Variants in YTHDC1 observed in about 807,000 individuals in gnomAD.
YTHDC1 encodes the protein YTH N6-methyladenosine RNA binding protein C1.
YTHDC1 carries 12 observed loss-of-function variants against 107.0 expected under a neutral mutation model. That is an observed-to-expected ratio of 0.11 (90% CI 0.07 to 0.18). The LOEUF (loss-of-function observed/expected upper bound fraction) is 0.18. Among genes scored for constraint, YTHDC1 ranks in the 10% least tolerant of loss-of-function variants. The pLI, the probability that YTHDC1 is intolerant of heterozygous loss-of-function variation, is 1.00. For missense variants in YTHDC1, 635 were observed against 898.8 expected, an observed-to-expected ratio of 0.71 and a Z score of 3.75; for synonymous variants, 280 against 289.5, an observed-to-expected ratio of 0.97 and a Z score of 0.33.
chr4:68,332,867 A>G lies in YTHDC1; in HGVS notation c.974-20T>C. 6.2e-7 allele frequency: 1 copy of G among 1,607,850 alleles called. No individual in the cohort carries two copies. The highest frequency in any genetic ancestry group is 8.5e-7 in the Non-Finnish European group (1 of 1,175,426). ...CTGAACCTGTATTTAGCCAAAGTAC[A>G]TTTGTTCAGATTGAGCTTTAATAGA... On this transcript the variant is annotated intron_variant, in intron 5 of 16. Transcript: ENST00000344157.
intron 1 of YTHDC1, among the ~76,000 whole-genome samples, chr4:68,340,129 C>G (rs1724651607): frequency 6.6e-6 from 1 of 152,054 alleles, no homozygotes; most frequent in Admixed American, 6.6e-5. Flanking sequence ...ACAGAAAGGT[C>G]TATTAATTAA....
chr4:68,347,322 TTCC>T (rs1277124633), intron 1 of YTHDC1, among the ~76,000 whole-genome samples: 1 of 152,196 alleles, frequency 6.6e-6, no homozygotes, highest in Non-Finnish European at 1.5e-5. Context: ...AGATGCATAT[TTCC>T]TCCTTATATA....
intron 1 of YTHDC1, among the ~76,000 whole-genome samples, chr4:68,347,669 TA>T (rs1399063369): frequency 2.6e-5 from 4 of 152,208 alleles, no homozygotes; most frequent in African/African-American, 9.6e-5. Context: ...AGAAAGAACT[TA>T]ACGTTTGTGA....
rs1048237772 is a variant in YTHDC1, at chr4:68,332,193, T to C, written c.1032A>G (p.Gln344=). Residue 344 remains glutamine, a synonymous_variant, in exon 7 of 17, where the codon CAA becomes CAG. Transcript: ENST00000344157. ...SSSVRAVRKD[Q]TSKLKYVLQD... is the part of the protein sequence containing the mutation. ...GAAGCACATATTTGAGTTTACTGGT[T>C]TGATCTGAAAAAAAAAGAAACCCAA... The C allele has an allele frequency of 2.5e-6, 4 of 1,596,398 alleles. No homozygotes were observed. In the Admixed American group the frequency reaches 5.3e-5, roughly 21 times the overall value.
Position 68,317,614 on chromosome 4 carries a change from A to G in YTHDC1, c.1824+905T>C, listed in dbSNP as rs1191978589. ...TTCTTAAAGGAAATAATTAAAAAGC[A>G]GGAATAATCAGGGTTTAATTAATCT... On this transcript the variant is annotated intron_variant, in intron 15 of 16. Transcript: ENST00000344157. Among the ~76,000 whole-genome samples the G allele has an allele frequency of 2.6e-5, 4 of 152,248 alleles. No homozygotes were observed. In the East Asian group the frequency reaches 7.7e-4, roughly 29 times the overall value.
At chr4:68,339,386 A>G (rs578079293) in intron 1 of YTHDC1, among the ~76,000 whole-genome samples, 2 of 152,370 alleles carry the variant, frequency 1.3e-5, no homozygotes, top group African/African-American at 4.8e-5. Flanking sequence ...GAGGCATGAT[A>G]ACTGAACACA....
intron 9 of YTHDC1, among the ~76,000 whole-genome samples, chr4:68,328,382 T>G (rs1327319144): frequency 3.3e-5 from 5 of 152,156 alleles, no homozygotes; most frequent in African/African-American, 1.2e-4. Context: ...ATTTTCAACT[T>G]TAATTATAAC....
intron 1 of YTHDC1, among the ~76,000 whole-genome samples, chr4:68,344,704 T>C (rs1725227172): frequency 6.6e-6 from 1 of 152,122 alleles, no homozygotes; most frequent in Admixed American, 6.5e-5. Flanking sequence ...GAGGTAAAGG[T>C]ACAGATTCCC....
rs749020914 is a variant in YTHDC1 at position 68,337,628 on chromosome 4, C to T, written c.403G>A (p.Val135Ile). 1.2e-6 allele frequency: 2 copies of T among 1,613,244 alleles called. No homozygotes were observed. Among genetic ancestry groups the T allele is most frequent in the South Asian group, 1.1e-5 (1 of 90,888 alleles). Residue 135 changes from valine to isoleucine, a missense_variant, in exon 3 of 17, where the codon GTC (valine) becomes ATC (isoleucine). Coordinates refer to ENST00000344157, the MANE Select transcript of YTHDC1 (RefSeq NM_001031732.4). ...PYKNQPEKTC[V>I]RKRDPERRAK... The stretch of plus-strand genomic sequence containing the variant: ...CTCCTTTCAGGATCCCTTTTCCGGA[C>T]ACAGGTTTTTTCAGGTTGATTCTTA...
chr4:68,313,892 C>G lies in YTHDC1; in HGVS notation c.*207G>C, dbSNP rs1721519744. On this transcript the variant is annotated 3_prime_UTR_variant, in exon 17 of 17. Coordinates refer to ENST00000344157, the MANE Select transcript of YTHDC1 (RefSeq NM_001031732.4). ...TGCCCCAATAAAAGTGTCAATTCAA[C>G]TGTCAGCTGTGGATTTTTGGCGGAT... 2 of 602,200 alleles carry G rather than the reference C, an allele frequency of 3.3e-6. No homozygotes were observed. The highest frequency in any genetic ancestry group is 3.0e-5 in the Admixed American group (1 of 33,150). 37.3% of individuals were successfully genotyped at this position (602,200 alleles called of 1,614,324 possible).
chr4:68,325,463 G>C (rs1184912846), intron 9 of YTHDC1, among the ~76,000 whole-genome samples: 1 of 152,120 alleles, frequency 6.6e-6, no homozygotes, highest in Non-Finnish European at 1.5e-5. Flanking sequence ...TAATGGAAAA[G>C]GGAAAACATA....
At chr4:68,315,389 T>C (rs920268695) in intron 16 of YTHDC1, among the ~76,000 whole-genome samples, 2 of 152,162 alleles carry the variant, frequency 1.3e-5, no homozygotes, top group African/African-American at 4.8e-5. Context: ...GCTGCTCTGA[T>C]TCTCACAAAT....
intron 2 of YTHDC1, 90 bp from the exon 3 acceptor site, chr4:68,337,990 A>T (rs1724405718): frequency 6.7e-7 from 1 of 1,494,086 alleles, no homozygotes; most frequent in Non-Finnish European, 8.8e-7. Context: ...ATACATCAGG[A>T]AGGGGGGATA....
intron 1 of YTHDC1, among the ~76,000 whole-genome samples, chr4:68,340,907 T>G (rs1724734517): frequency 6.6e-6 from 1 of 152,094 alleles, no homozygotes; most frequent in African/African-American, 2.4e-5. Flanking sequence ...AAAGCCTGGT[T>G]TTCCTATAAA....
intron 12 of YTHDC1, 102 bp downstream of exon 12, chr4:68,320,021 T>C: frequency 9.9e-7 from 1 of 1,006,974 alleles, no homozygotes; most frequent in Non-Finnish European, 1.4e-6. Flanking sequence ...TCCTGAATTT[T>C]TTTCACTTTT....
At chr4:68,317,007 G>T (rs143562786) in intron 15 of YTHDC1, among the ~76,000 whole-genome samples, 6 of 152,304 alleles carry the variant, frequency 3.9e-5, no homozygotes, top group Non-Finnish European at 7.4e-5. Context: ...TGAGGGAAAA[G>T]AATCCCTTAA....
chr4:68,334,448 A>C (rs1723932282), intron 4 of YTHDC1, among the ~76,000 whole-genome samples: 1 of 152,082 alleles, frequency 6.6e-6, no homozygotes, highest in South Asian at 2.1e-4. Context: ...TTAGGCAACT[A>C]GACTAGGGTC....
chr4:68,337,932 A>G, intron 2 of YTHDC1, 32 bp from the exon 3 acceptor site: 1 of 1,578,096 alleles, frequency 6.3e-7, no homozygotes, highest in Non-Finnish European at 8.6e-7. Flanking sequence ...AAAAAAAAAG[A>G]AGTATTTGTA....
In YTHDC1 at chr4:68,337,993, G is replaced by A. The variant is rs760407278; in HGVS notation, c.131-93C>T. The stretch of plus-strand genomic sequence containing the variant: ...TGACAATAATATATACATCAGGAAG[G>A]GGGGATAGGCCTCATTTCTTTAAAA... On this transcript the variant is annotated intron_variant, in intron 2 of 16. Coordinates refer to ENST00000344157, the MANE Select transcript of YTHDC1 (RefSeq NM_001031732.4). 5 of 1,490,084 alleles carry A rather than the reference G, an allele frequency of 3.4e-6. No individual in the cohort carries two copies. In the African/African-American group the frequency reaches 4.3e-5, roughly 13 times the overall value. The allele number at this position is 1,490,084 out of a possible 1,614,324, so 92.3% of individuals were successfully genotyped here. A position where few individuals can be genotyped will look rare whatever the true frequency, so the allele number is the denominator to read the frequency against.
Sources: allele counts gnomAD v4.1 joint callset (sites outside exome capture counted in the v4.1 genomes callset), GRCh38; gene constraint gnomAD v4.1.1; transcripts MANE v1.5; gene names NCBI Gene and HGNC (gene_info 2026-07-23, HGNC 2026-07-21).